The following IGFL2 variants were observed in gnomAD, a reference collection of about 807,000 sequenced individuals.
IGFL2 encodes the protein IGF like family member 2.
Under a neutral mutation model 13.9 loss-of-function variants are expected in IGFL2, and 7 were observed. The ratio of observed to expected loss-of-function variants is 0.51; its 90% CI spans 0.29 to 0.95. The LOEUF is 0.95. Ranked by LOEUF, IGFL2 falls within the 40% of genes least tolerant of loss-of-function variation. The probability of loss-of-function intolerance (pLI) is 0.08; values close to 1 mark genes in which losing one functional copy is unlikely to be tolerated. For missense variants in IGFL2, 138 were observed against 147.8 expected (o/e 0.93, Z 0.34); for synonymous variants, 55 against 55.8 (o/e 0.99, Z 0.07).
chr19:46,078,688 C>A, the IGFL2 span, among the ~76,000 whole-genome samples: 14 of 152,210 alleles, frequency 9.2e-5, no homozygotes, highest in Non-Finnish European at 1.6e-4. Context: ...CACCACAGTC[C>A]GTCAAAAGGC....
At chr19:46,181,078 C>T in the IGFL2 span, among the ~76,000 whole-genome samples, 2 of 152,198 alleles carry the variant, frequency 1.3e-5, no homozygotes, top group African/African-American at 4.8e-5. Flanking sequence ...TAATATTTGC[C>T]ATCCCAACAT....
At chr19:46,204,943 AT>A in the IGFL2 span, 1,071 of 141,266 alleles carry the variant, frequency 7.6e-3, 13 homozygotes, top group African/African-American at 0.022. Context: ...ACACTCAGGT[AT>A]TTTTTTTTTT....
chr19:46,177,229 T>C, the IGFL2 span, among the ~76,000 whole-genome samples: 6 of 152,176 alleles, frequency 3.9e-5, no homozygotes, highest in East Asian at 5.8e-4. Context: ...ACCCTGTCTC[T>C]ACTGAAAATA....
chr19:46,135,789 A>G, the IGFL2 span, among the ~76,000 whole-genome samples: 3 of 152,264 alleles, frequency 2.0e-5, no homozygotes, highest in East Asian at 5.8e-4. Context: ...TTCCAGTAAC[A>G]GTTGTGTAAA....
the IGFL2 span, among the ~76,000 whole-genome samples, chr19:46,116,358 G>C: frequency 1.3e-5 from 2 of 152,114 alleles, no homozygotes; most frequent in African/African-American, 4.8e-5. Context: ...TAAAAATGCT[G>C]TGAGTTTAAG....
the IGFL2 span, among the ~76,000 whole-genome samples, chr19:46,167,740 C>T: frequency 6.6e-6 from 1 of 152,236 alleles, no homozygotes; most frequent in Admixed American, 6.5e-5. Context: ...AAGGGTAGGG[C>T]CCTGATCTGA....
chr19:46,102,374 T>TGCGGGCA, the IGFL2 span, among the ~76,000 whole-genome samples: 7 of 152,206 alleles, frequency 4.6e-5, no homozygotes, highest in Non-Finnish European at 8.8e-5. Flanking sequence ...GCAATTTTGT[T>TGCGGGCA]GCGGGCAGCG....
chr19:46,090,339 G>A, the IGFL2 span, among the ~76,000 whole-genome samples: 2 of 152,148 alleles, frequency 1.3e-5, no homozygotes, highest in Non-Finnish European at 2.9e-5. Flanking sequence ...TGTTTAGTAA[G>A]GAGTTCATAT....
chr19:46,101,807 G>T, the IGFL2 span, among the ~76,000 whole-genome samples: 1 of 152,264 alleles, frequency 6.6e-6, no homozygotes, highest in Non-Finnish European at 1.5e-5. Context: ...CTAAGGCCCT[G>T]GTGGTGTGGG....
the IGFL2 span, among the ~76,000 whole-genome samples, chr19:46,126,350 G>A: frequency 6.6e-6 from 1 of 152,194 alleles, no homozygotes; most frequent in Non-Finnish European, 1.5e-5. Context: ...GTCATGCAAA[G>A]TTTGGTTTTA....
At chr19:46,178,364 A>G in the IGFL2 span, among the ~76,000 whole-genome samples, 1 of 148,126 alleles carries the variant, frequency 6.8e-6, no homozygotes, top group Non-Finnish European at 1.5e-5. Context: ...CTGTCTTATA[A>G]CATCACACTA....
the IGFL2 span, chr19:46,124,071 A>G: frequency 6.2e-7 from 1 of 1,611,632 alleles, no homozygotes; most frequent in Non-Finnish European, 8.5e-7. Flanking sequence ...CATCATCATA[A>G]CAGCACTGCT....
At chr19:46,112,580 C>A in the IGFL2 span, among the ~76,000 whole-genome samples, 1 of 152,204 alleles carries the variant, frequency 6.6e-6, no homozygotes, top group Non-Finnish European at 1.5e-5. Context: ...CATAGATGAA[C>A]ACAAGCTGGG....
the IGFL2 span, among the ~76,000 whole-genome samples, chr19:46,204,637 T>C: frequency 6.6e-6 from 1 of 152,200 alleles, no homozygotes; most frequent in South Asian, 2.1e-4. Flanking sequence ...GGATGTGGAA[T>C]GCACAGGCGG....
chr19:46,142,557 A>C (rs1972905927), upstream of IGFL2, among the ~76,000 whole-genome samples: 1 of 152,256 alleles, frequency 6.6e-6, no homozygotes, highest in African/African-American at 2.4e-5. Context: ...CTGTGATGTA[A>C]TATAAATATA....
At chr19:46,154,013 G>A (rs1003352847) in intron 1 of IGFL2, among the ~76,000 whole-genome samples, 1 of 151,806 alleles carries the variant, frequency 6.6e-6, no homozygotes, top group Non-Finnish European at 1.5e-5. Flanking sequence ...ACAGGCCCCT[G>A]GGTGTGATGT....
chr19:46,178,595 A>C, the IGFL2 span, among the ~76,000 whole-genome samples: 5 of 152,212 alleles, frequency 3.3e-5, no homozygotes, highest in African/African-American at 1.2e-4. Context: ...ATTCTCTCTG[A>C]AGCCTGCTAC....
At chr19:46,148,874 C>A in intron 1 of IGFL2, 1 of 1,533,298 alleles carries the variant, frequency 6.5e-7, no homozygotes, top group Non-Finnish European at 8.8e-7. Context: ...GAGACTAGAT[C>A]TGCAATCTGT....
chr19:46,140,305 C>T (rs537754757), upstream of IGFL2, among the ~76,000 whole-genome samples: 56 of 151,710 alleles, frequency 3.7e-4, no homozygotes, highest in South Asian at 6.2e-4. Context: ...TTCAAGTCTA[C>T]ATAGAACATT....
Sources: gnomAD v4.1 joint callset for allele counts (sites outside exome capture counted in the v4.1 genomes callset) on GRCh38, gnomAD v4.1.1 for gene constraint, MANE v1.5 for transcripts, NCBI Gene and HGNC (gene_info 2026-07-23, HGNC 2026-07-21) for gene names.